Variants in SH3GL3 observed in about 807,000 individuals in gnomAD.
The protein encoded by SH3GL3 is endophilin-A3.
Under a neutral mutation model 47.7 loss-of-function variants are expected in SH3GL3, and 33 were observed. That is an observed-to-expected ratio of 0.69 (90% CI 0.52 to 0.92). The LOEUF (loss-of-function observed/expected upper bound fraction) is 0.92. Ranked by LOEUF, SH3GL3 falls within the 40% of genes least tolerant of loss-of-function variation. SH3GL3 has a pLI of 0.00. For missense variants in SH3GL3, 363 were observed against 417.8 expected (o/e 0.87, Z 1.14); for synonymous variants, 155 against 148.8 (o/e 1.04, Z -0.30).
At chr15:83,467,983 A>G (rs902660011) in intron 1 of SH3GL3, among the ~76,000 whole-genome samples, 8 of 152,158 alleles carry the variant, frequency 5.3e-5, no homozygotes, top group African/African-American at 1.4e-4. Flanking sequence ...GCCCGCCACC[A>G]CGCCCAGCTA....
At chr15:83,600,882 G>C (rs1023685596) in intron 8 of SH3GL3, among the ~76,000 whole-genome samples, 2 of 152,248 alleles carry the variant, frequency 1.3e-5, no homozygotes, top group Middle Eastern at 3.4e-3. Flanking sequence ...GCAGTATTTT[G>C]TAGTTTTCCT....
intron 1 of SH3GL3, among the ~76,000 whole-genome samples, chr15:83,511,315 G>A (rs1246286309): frequency 2.0e-5 from 3 of 152,252 alleles, no homozygotes; most frequent in Middle Eastern, 3.4e-3. Context: ...AGTGCCTGGT[G>A]TGCAGTCACA....
At chr15:83,498,389 T>C (rs2042164298) in intron 1 of SH3GL3, among the ~76,000 whole-genome samples, 1 of 152,152 alleles carries the variant, frequency 6.6e-6, no homozygotes. Context: ...ATATCTTCCT[T>C]AAAGGATGGA....
intron 1 of SH3GL3, among the ~76,000 whole-genome samples, chr15:83,481,817 T>C (rs2041372012): frequency 6.6e-6 from 1 of 152,198 alleles, no homozygotes; most frequent in Non-Finnish European, 1.5e-5. Context: ...GAGGCTGTGC[T>C]CTTGGAGTTA....
intron 1 of SH3GL3, among the ~76,000 whole-genome samples, chr15:83,501,290 G>A (rs535660824): frequency 2.6e-5 from 4 of 152,046 alleles, no homozygotes; most frequent in South Asian, 2.1e-4. Context: ...AAACTTAAGC[G>A]ACTCAAGTTA....
At chr15:83,521,841 G>T (rs2043218920) in intron 1 of SH3GL3, among the ~76,000 whole-genome samples, 1 of 152,134 alleles carries the variant, frequency 6.6e-6, no homozygotes, top group Non-Finnish European at 1.5e-5. Flanking sequence ...CTGGGGCAGT[G>T]TTTGCTTATG....
rs540305791 is a variant in SH3GL3, at chr15:83,523,406, A to G, written c.46-35847A>G. On this transcript the variant is annotated intron_variant, in intron 1 of 8. Coordinates refer to ENST00000427482, the MANE Select transcript of SH3GL3 (RefSeq NM_003027.5). ...GTGGTGCGGGGTGGGCTGCCCGGGA[A>G]GGGTGTGTGGAGTAGAGACCAAGAA... Among the ~76,000 whole-genome samples the G allele has an allele frequency of 2.6e-5, 4 of 152,240 alleles. No homozygotes were observed. The East Asian group carries it at 7.7e-4, about 29-fold the overall frequency.
intron 4 of SH3GL3, among the ~76,000 whole-genome samples, chr15:83,570,031 T>C (rs2045740049): frequency 6.7e-6 from 1 of 148,522 alleles, no homozygotes; most frequent in African/African-American, 2.4e-5. Flanking sequence ...CTCTTTAGTC[T>C]TCCTATATGG....
At chr15:83,569,105 C>T (rs1027469855) in intron 4 of SH3GL3, among the ~76,000 whole-genome samples, 1 of 152,064 alleles carries the variant, frequency 6.6e-6, no homozygotes, top group African/African-American at 2.4e-5. Context: ...CCATTTTGGC[C>T]AGGCTGGTTT....
chr15:83,450,962 G>A (rs1230949038), intron 1 of SH3GL3, among the ~76,000 whole-genome samples: 2 of 94,706 alleles, frequency 2.1e-5, no homozygotes, highest in Non-Finnish European at 4.0e-5. Context: ...CCCCTCCCCC[G>A]ACCCCACCAC....
chr15:83,579,607 CAG>C (rs1239626901), intron 6 of SH3GL3, among the ~76,000 whole-genome samples: 3 of 152,110 alleles, frequency 2.0e-5, no homozygotes, highest in African/African-American at 7.2e-5. Flanking sequence ...ATGATAAAGA[CAG>C]TGGTGATAAT....
At chr15:83,480,455 C>G (rs977534578) in intron 1 of SH3GL3, among the ~76,000 whole-genome samples, 14 of 152,222 alleles carry the variant, frequency 9.2e-5, no homozygotes, top group African/African-American at 3.4e-4. Context: ...CATTATGCAA[C>G]TCTTTTCAAA....
intron 1 of SH3GL3, among the ~76,000 whole-genome samples, chr15:83,527,035 T>C (rs2043453880): frequency 6.6e-6 from 1 of 152,214 alleles, no homozygotes; most frequent in African/African-American, 2.4e-5. Context: ...CGTAAAGAAA[T>C]GCTACTGATT....
chr15:83,579,159 T>G (rs1237317471), intron 6 of SH3GL3, among the ~76,000 whole-genome samples: 3 of 152,228 alleles, frequency 2.0e-5, no homozygotes, highest in African/African-American at 7.2e-5. Flanking sequence ...GTAACACGTA[T>G]TCTGCCTGTC....
chr15:83,558,261 G>A lies in SH3GL3; in HGVS notation c.46-992G>A, dbSNP rs149112654. ...TTTTCTAAAGGGTTTCTCTGTGTTTGATGAAGACTCTTTAGGGATCTCTCA... is the reference window on the plus strand; with the variant it reads ...TTTTCTAAAGGGTTTCTCTGTGTTTAATGAAGACTCTTTAGGGATCTCTCA... On this transcript the variant is annotated intron_variant, in intron 1 of 8. Transcript: ENST00000427482. Among the ~76,000 whole-genome samples the A allele has an allele frequency of 4.6e-5, 7 of 152,270 alleles. No individual in the cohort carries two copies. The East Asian group carries it at 9.6e-4, about 21-fold the overall frequency.
intron 1 of SH3GL3, among the ~76,000 whole-genome samples, chr15:83,450,590 A>G (rs1451340148): frequency 6.6e-6 from 1 of 152,120 alleles, no homozygotes; most frequent in African/African-American, 2.4e-5. Flanking sequence ...TTTTGGCAGC[A>G]CATGGAGACC....
intron 4 of SH3GL3, among the ~76,000 whole-genome samples, chr15:83,569,721 T>C (rs2045724583): frequency 6.6e-6 from 1 of 152,258 alleles, no homozygotes. Context: ...ATATGTAGTA[T>C]ACAAAAATGA....
downstream of SH3GL3, among the ~76,000 whole-genome samples, chr15:83,622,038 A>C (rs749131802): frequency 6.6e-6 from 1 of 152,216 alleles, no homozygotes; most frequent in African/African-American, 2.4e-5. Flanking sequence ...CTGTAATCAA[A>C]TAATGATAAT....
At chr15:83,624,006 C>T in the SH3GL3 span, among the ~76,000 whole-genome samples, 1 of 152,026 alleles carries the variant, frequency 6.6e-6, no homozygotes. Flanking sequence ...AGGCTGGTCT[C>T]GAACTCCTGA....
Sources: allele counts gnomAD v4.1 joint callset (sites outside exome capture counted in the v4.1 genomes callset), GRCh38; gene constraint gnomAD v4.1.1; transcripts MANE v1.5; gene names NCBI Gene and HGNC (gene_info 2026-07-23, HGNC 2026-07-21).